Variants in ESCO1 observed in about 807,000 individuals in gnomAD.
The protein encoded by ESCO1 is N-acetyltransferase ESCO1.
In ESCO1, 33 loss-of-function variants were observed where a neutral mutation model predicts 83.5. The observed-to-expected ratio is 0.40, with a 90% CI of 0.30 to 0.53. The LOEUF (loss-of-function observed/expected upper bound fraction) is 0.53, where lower values mean the gene tolerates loss of function less well. Among genes scored for constraint, ESCO1 ranks in the 20% least tolerant of loss-of-function variants. The pLI is 0.63. For missense variants in ESCO1, 855 were observed against 968.0 expected (o/e 0.88, Z 1.55); for synonymous variants, 332 against 324.3 (o/e 1.02, Z -0.25).
intron 1 of ESCO1, among the ~76,000 whole-genome samples, chr18:21,590,285 G>C (rs2038646113): frequency 7.1e-6 from 1 of 141,650 alleles, no homozygotes; most frequent in African/African-American, 2.6e-5. Flanking sequence ...GCAGTGGCAT[G>C]ATCTCAGCTC....
At chr18:21,550,094 T>C (rs538631404) in intron 8 of ESCO1, among the ~76,000 whole-genome samples, 35 of 152,272 alleles carry the variant, frequency 2.3e-4, no homozygotes, top group African/African-American at 8.4e-4. Context: ...AATGAACTGA[T>C]TTTCAGAAAT....
At chr18:21,532,901 G>A (rs1020949649) in intron 10 of ESCO1, among the ~76,000 whole-genome samples, 1 of 152,042 alleles carries the variant, frequency 6.6e-6, no homozygotes, top group Non-Finnish European at 1.5e-5. Flanking sequence ...CCTCACTGGC[G>A]ATATCCATCA....
Position 21,574,606 on chromosome 18 carries a change from T to C in ESCO1, c.238A>G (p.Thr80Ala). Reference protein sequence around the residue: ...SSKAASNDKATKSINKNTVTV... With the variant: ...SSKAASNDKAAKSINKNTVTV... ...ACCGTATTTTTATTAATGGATTTAG[T>C]AGCTTTATCATTAGATGCTGCCTTT... The change falls in exon 4 of 12, where the codon ACT (threonine) becomes GCT (alanine). Residue 80 changes from threonine (T) to alanine (A), a missense_variant. Physicochemically the swap from Thr to Ala is moderately conservative, Grantham distance 58. This residue lies in a region of ESCO1 where 726 missense variants were observed against 699.5 expected (regional missense o/e 1.04). Transcript: ENST00000269214. 4 of 1,614,092 alleles carry C rather than the reference T, an allele frequency of 2.5e-6. No homozygotes were observed. Among genetic ancestry groups the C allele is most frequent in the Non-Finnish European group, 3.4e-6 (4 of 1,179,998 alleles).
At chr18:21,596,888 T>G (rs373766145) in intron 1 of ESCO1, 20 of 152,326 alleles carry the variant, frequency 1.3e-4, no homozygotes, top group East Asian at 7.7e-4. Flanking sequence ...CAACTCAATT[T>G]CCATATTATC....
intron 8 of ESCO1, 126 bp from the exon 9 acceptor site, chr18:21,540,135 T>C (rs2037887151): frequency 4.8e-6 from 4 of 825,222 alleles, no homozygotes; most frequent in Non-Finnish European, 7.4e-6. Flanking sequence ...ACATGAAAAA[T>C]ATATGCTCAT....
At chr18:21,536,390 G>T (rs1048046727) in intron 9 of ESCO1, among the ~76,000 whole-genome samples, 2 of 151,890 alleles carry the variant, frequency 1.3e-5, no homozygotes, top group African/African-American at 4.8e-5. Flanking sequence ...AGGAGTTCAC[G>T]ACCAGCCTGG....
rs1555671990 is a variant in ESCO1, at chr18:21,577,361, TAAAA to T, written c.-693-1588_-693-1585del. 6.6e-3 allele frequency among the ~76,000 whole-genome samples: 352 copies of T among 52,970 alleles called. 7 individuals carry two copies. The highest frequency in any genetic ancestry group is 0.026 in the African/African-American group (343 of 13,104). 34.8% of individuals were successfully genotyped at this position (52,970 alleles called of 152,430 possible). A position where few individuals can be genotyped will look rare whatever the true frequency, so the allele number is the denominator to read the frequency against. ...AACAAGAGTGAGACTCCATCTTTTT[TAAAA>T]AAAAAAAAAAAAAAAAAAAAGGCTG... On this transcript the variant is annotated intron_variant, in intron 2 of 11. Coordinates refer to ENST00000269214, the MANE Select transcript of ESCO1 (RefSeq NM_052911.3).
intron 1 of ESCO1, among the ~76,000 whole-genome samples, chr18:21,592,259 G>A (rs1017169942): frequency 3.3e-5 from 5 of 150,660 alleles, no homozygotes; most frequent in African/African-American, 4.9e-5. Context: ...GGGCAGAGGC[G>A]CCCCTCACCT....
chr18:21,530,545 A>T (rs2037754789), intron 11 of ESCO1, 55 bp from the exon 12 acceptor site: 1 of 1,494,966 alleles, frequency 6.7e-7, no homozygotes, highest in East Asian at 2.4e-5. Flanking sequence ...TTAAAAAAAA[A>T]AAAATTCTAA....
At chr18:21,594,925 C>CTG (rs35336026) in intron 1 of ESCO1, among the ~76,000 whole-genome samples, 11,024 of 143,650 alleles carry the variant, frequency 0.077, 621 homozygotes, top group African/African-American at 0.16. Flanking sequence ...TCTACAACTA[C>CTG]TGTGTGTGTG....
chr18:21,565,603 C>T (rs770350171), intron 6 of ESCO1, among the ~76,000 whole-genome samples: 2 of 152,118 alleles, frequency 1.3e-5, no homozygotes, highest in Admixed American at 6.6e-5. Context: ...TGTTAAACCA[C>T]GGTAAAGTCA....
chr18:21,600,075 C>G (rs1220266795), intron 1 of ESCO1, among the ~76,000 whole-genome samples: 3 of 152,244 alleles, frequency 2.0e-5, no homozygotes, highest in Non-Finnish European at 4.4e-5. Context: ...GGCTGTAAAA[C>G]CAAGACCCCA....
At chr18:21,557,190 G>A (rs1312495638) in intron 8 of ESCO1, among the ~76,000 whole-genome samples, 4 of 151,878 alleles carry the variant, frequency 2.6e-5, no homozygotes, top group African/African-American at 9.7e-5. Flanking sequence ...CAAAATATTC[G>A]AGATTCTTCA....
intron 2 of ESCO1, among the ~76,000 whole-genome samples, chr18:21,583,615 G>C (rs1598476732): frequency 6.6e-6 from 1 of 152,008 alleles, no homozygotes; most frequent in Non-Finnish European, 1.5e-5. Flanking sequence ...CTGCACTCCA[G>C]GCTGGGCAAC....
chr18:21,587,793 T>C (rs1037830334), intron 1 of ESCO1, among the ~76,000 whole-genome samples: 44 of 151,830 alleles, frequency 2.9e-4, no homozygotes, highest in African/African-American at 1.0e-3. Context: ...ATTAGCCAGG[T>C]GTGGTGGCAC....
At chr18:21,567,218 A>G (rs1323393156) in intron 5 of ESCO1, among the ~76,000 whole-genome samples, 2 of 152,104 alleles carry the variant, frequency 1.3e-5, no homozygotes, top group Admixed American at 6.6e-5. Flanking sequence ...GGTGGAATGC[A>G]GTGGTGCAAT....
intron 2 of ESCO1, among the ~76,000 whole-genome samples, chr18:21,579,778 A>G (rs1395709359): frequency 1.8e-5 from 1 of 55,920 alleles, no homozygotes; most frequent in Non-Finnish European, 4.0e-5. Context: ...TCTGACACAC[A>G]CACACACGCG....
chr18:21,535,165 T>C (rs558690922), intron 10 of ESCO1, among the ~76,000 whole-genome samples: 2 of 152,260 alleles, frequency 1.3e-5, no homozygotes, highest in East Asian at 3.9e-4. Flanking sequence ...AGAAAGACAT[T>C]ACATTGGTAT....
chr18:21,547,248 T>C (rs140955766), intron 8 of ESCO1, among the ~76,000 whole-genome samples: 73 of 151,862 alleles, frequency 4.8e-4, no homozygotes, highest in African/African-American at 1.7e-3. Flanking sequence ...AAGATCTTTA[T>C]AATAATTTTT....
Sources: gnomAD v4.1 joint callset for allele counts (sites outside exome capture counted in the v4.1 genomes callset) on GRCh38, gnomAD v4.1.1 for gene constraint, gnomAD v4.1.1 regional missense constraint, MANE v1.5 for transcripts, NCBI Gene and HGNC (gene_info 2026-07-23, HGNC 2026-07-21) for gene names.